CSMD3: variants seen among roughly 807,000 people sequenced by gnomAD.
CSMD3 encodes CUB and sushi domain-containing protein 3.
Under a neutral mutation model 435.2 loss-of-function variants are expected in CSMD3, and 177 were observed. The observed-to-expected ratio is 0.41, with a 90% CI of 0.36 to 0.46. The LOEUF (loss-of-function observed/expected upper bound fraction) is 0.46, where lower values mean the gene tolerates loss of function less well. CSMD3 is among the 20% of genes least tolerant of loss of function. The pLI is 0.34. For missense variants in CSMD3, 4,265 were observed against 4,504.6 expected (o/e 0.95, Z 1.52); for synonymous variants, 1,656 against 1,520.5 (o/e 1.09, Z -2.07).
intron 16 of CSMD3, among the ~76,000 whole-genome samples, chr8:112,669,936 T>A (rs2075617797): frequency 6.6e-6 from 1 of 152,208 alleles, no homozygotes; most frequent in South Asian, 2.1e-4. Flanking sequence ...AAAGGCAGTT[T>A]GACTCTAGAA....
At chr8:113,388,464 T>C (rs1381418109) in intron 1 of CSMD3, among the ~76,000 whole-genome samples, 1 of 151,656 alleles carries the variant, frequency 6.6e-6, no homozygotes, top group African/African-American at 2.4e-5. Context: ...ATTTGTCACG[T>C]AGCCCATTAA....
At chr8:112,968,674 A>C (rs2084520939) in intron 7 of CSMD3, among the ~76,000 whole-genome samples, 1 of 151,900 alleles carries the variant, frequency 6.6e-6, no homozygotes, top group African/African-American at 2.4e-5. Context: ...TTCTCTTATA[A>C]TTGACCTATA....
chr8:112,537,911 A>G (rs1563676121), intron 27 of CSMD3, among the ~76,000 whole-genome samples: 1 of 152,044 alleles, frequency 6.6e-6, no homozygotes, highest in Non-Finnish European at 1.5e-5. Context: ...AAAACCAAAG[A>G]CACAGCATGA....
chr8:112,912,218 T>C (rs1387410735), intron 10 of CSMD3, among the ~76,000 whole-genome samples: 2 of 151,588 alleles, frequency 1.3e-5, no homozygotes, highest in Non-Finnish European at 2.9e-5. Context: ...CAGCAATGAA[T>C]ATGGGAATGT....
chr8:112,919,001 A>G (rs1445610317), intron 10 of CSMD3, among the ~76,000 whole-genome samples: 1 of 151,944 alleles, frequency 6.6e-6, no homozygotes, highest in Admixed American at 6.6e-5. Context: ...TTACTATTTC[A>G]GCATGTTCCC....
In CSMD3 at chr8:113,323,658, T is replaced by C. The variant is rs1588516108; in HGVS notation, c.179-8865A>G. Among the ~76,000 whole-genome samples, 3 of 152,306 alleles carry C rather than the reference T, an allele frequency of 2.0e-5. No homozygotes were observed. The South Asian group carries it at 6.2e-4, about 32-fold the overall frequency. On this transcript the variant is annotated intron_variant, in intron 1 of 70. Coordinates refer to ENST00000297405, the MANE Select transcript of CSMD3 (RefSeq NM_198123.2). ...TTTCAGGGTCAAGAGAAATAGTGGG[T>C]AAAACAACATAAATTTTATTCACAT...
chr8:112,750,450 TAAG>T (rs1373871897), intron 13 of CSMD3, among the ~76,000 whole-genome samples: 1 of 151,762 alleles, frequency 6.6e-6, no homozygotes, highest in Non-Finnish European at 1.5e-5. Context: ...TAGAAATAAA[TAAG>T]AAACATAACA....
At chr8:112,393,269 T>C (rs906447320) in intron 35 of CSMD3, among the ~76,000 whole-genome samples, 2 of 152,160 alleles carry the variant, frequency 1.3e-5, no homozygotes, top group African/African-American at 4.8e-5. Context: ...GTCCTCATCA[T>C]CTTAATCCCC....
At chr8:112,481,915 A>G (rs1819655180) in intron 31 of CSMD3, among the ~76,000 whole-genome samples, 2 of 152,092 alleles carry the variant, frequency 1.3e-5, no homozygotes, top group Non-Finnish European at 2.9e-5. Flanking sequence ...CACATAATTC[A>G]TTTTGTTTAA....
In CSMD3 at chr8:112,685,387, A is replaced by T. The variant is rs768076310; in HGVS notation, c.2482+19T>A. ...ATAGAAATATATTATATGGGAAAAA[A>T]ACAGAAACAGAAACTTACTGTTGTA... On this transcript the variant is annotated intron_variant, in intron 15 of 70. Coordinates refer to ENST00000297405, the MANE Select transcript of CSMD3 (RefSeq NM_198123.2). 2 of 1,599,750 alleles carry T rather than the reference A, an allele frequency of 1.3e-6. No individual in the cohort carries two copies. Among genetic ancestry groups the T allele is most frequent in the Non-Finnish European group, 1.7e-6 (2 of 1,167,706 alleles).
At chr8:113,403,518 C>A (rs576339501) in intron 1 of CSMD3, among the ~76,000 whole-genome samples, 1 of 151,352 alleles carries the variant, frequency 6.6e-6, no homozygotes, top group East Asian at 1.9e-4. Context: ...GGTTTGGACT[C>A]TTCCCATTTT....
rs150009815 is a variant in CSMD3 at position 112,307,563 on chromosome 8, G to A, written c.7886-1371C>T. 4.5e-4 allele frequency among the ~76,000 whole-genome samples: 68 copies of A among 152,186 alleles called. No homozygotes were observed. The East Asian group carries it at 7.8e-3, about 17-fold the overall frequency. On this transcript the variant is annotated intron_variant, in intron 50 of 70. Transcript: ENST00000297405. ...CTTCCAAAGTACTGGGATTACAGGC[G>A]TGAACCACTGCATCTGGCCCTATGT... is the stretch of plus-strand genomic sequence containing the variant.
At chr8:113,429,786 A>G (rs2094659511) in intron 1 of CSMD3, among the ~76,000 whole-genome samples, 1 of 152,140 alleles carries the variant, frequency 6.6e-6, no homozygotes, top group Admixed American at 6.5e-5. Context: ...ATGCCCTGTC[A>G]TCTAGTCTGA....
At chr8:112,477,630 A>G (rs192173407) in intron 31 of CSMD3, among the ~76,000 whole-genome samples, 1 of 152,052 alleles carries the variant, frequency 6.6e-6, no homozygotes, top group Admixed American at 6.5e-5. Context: ...CTCATTCTCT[A>G]TCTTGCCATG....
At chr8:112,427,782 T>C (rs1265806207) in intron 32 of CSMD3, among the ~76,000 whole-genome samples, 1 of 152,162 alleles carries the variant, frequency 6.6e-6, no homozygotes, top group Non-Finnish European at 1.5e-5. Flanking sequence ...TTACTTTGTA[T>C]CTTCTAAATG....
At chr8:113,162,445 A>G (rs1306126064) in intron 4 of CSMD3, among the ~76,000 whole-genome samples, 1 of 151,720 alleles carries the variant, frequency 6.6e-6, no homozygotes, top group Non-Finnish European at 1.5e-5. Context: ...GGCACCTGTA[A>G]TCCCAGCTAC....
chr8:112,542,320 A>G (rs1826748940), intron 27 of CSMD3, among the ~76,000 whole-genome samples: 1 of 151,396 alleles, frequency 6.6e-6, no homozygotes, highest in Non-Finnish European at 1.5e-5. Flanking sequence ...CAGTTTAGGA[A>G]AGAAAAACAA....
intron 45 of CSMD3, among the ~76,000 whole-genome samples, chr8:112,324,570 G>GGGGTGTGT (rs1554642676): frequency 1.0e-5 from 1 of 99,870 alleles, no homozygotes; most frequent in Admixed American, 9.4e-5. Context: ...TGAAGCAAGG[G>GGGGTGTGT]GTGTGTGTGT....
chr8:112,929,664 CTG>C (rs1195199991), intron 9 of CSMD3, among the ~76,000 whole-genome samples: 1 of 151,780 alleles, frequency 6.6e-6, no homozygotes, highest in African/African-American at 2.4e-5. Context: ...AGATCCATAA[CTG>C]TGTTATAAAG....
Sources: allele counts gnomAD v4.1 joint callset (sites outside exome capture counted in the v4.1 genomes callset), GRCh38; gene constraint gnomAD v4.1.1; transcripts MANE v1.5; gene names NCBI Gene and HGNC (gene_info 2026-07-23, HGNC 2026-07-21).